NOS1: variants seen among roughly 807,000 people sequenced by gnomAD.
The protein encoded by NOS1 is NOS type I.
Under a neutral mutation model 164.5 loss-of-function variants are expected in NOS1, and 51 were observed. The observed-to-expected ratio is 0.31, with a 90% confidence interval of 0.25 to 0.39. The LOEUF (loss-of-function observed/expected upper bound fraction) is 0.39, where lower values mean the gene tolerates loss of function less well. NOS1 is among the 10% of genes least tolerant of loss of function. The pLI, the probability that NOS1 is intolerant of heterozygous loss-of-function variation, is 1.00. For synonymous variants in NOS1, 719 were observed against 745.8 expected (o/e 0.96, Z 0.59); for missense variants, 1,362 against 1,885.6 (o/e 0.72, Z 5.14).
In NOS1 at chr12:117,213,652, GAAC is replaced by G. The variant is rs1047106529; in HGVS notation, c.*1654_*1656del. 1 of 985,414 alleles carries G rather than the reference GAAC, an allele frequency of 1.0e-6. No homozygotes were observed. 61.0% of individuals were successfully genotyped at this position (985,414 alleles called of 1,614,324 possible). Reference sequence around the variant, plus strand: ...TTCCTCTTTAGCAGACACCCAAACTGAACAACAAGATATGCCCACGTACAGTAT... The same window carrying G: ...TTCCTCTTTAGCAGACACCCAAACTGAACAAGATATGCCCACGTACAGTAT... On this transcript the variant is annotated 3_prime_UTR_variant, in exon 29 of 29. Transcript: ENST00000317775.
At position 117,210,952 on chromosome 12, in the gene NOS1, T is replaced by C. The variant is rs564675083; in HGVS notation, c.*4357A>G. 1.7e-5 allele frequency: 16 copies of C among 959,836 alleles called. No individual in the cohort carries two copies. The East Asian group carries it at 1.5e-3, about 90-fold the overall frequency. The allele number at this position is 959,836 out of a possible 1,614,324, so 59.5% of individuals were successfully genotyped here. On this transcript the variant is annotated 3_prime_UTR_variant, in exon 29 of 29. Coordinates refer to ENST00000317775, the MANE Select transcript of NOS1 (RefSeq NM_000620.5). Reference sequence around the variant, plus strand: ...CTAGGGGCAAGATGTTTTATTTTATTTTATTTTATTTTATTTTTTTTGAGA... The same window carrying C: ...CTAGGGGCAAGATGTTTTATTTTATCTTATTTTATTTTATTTTTTTTGAGA...
At chr12:117,215,900 G>A (rs1490757764) in intron 28 of NOS1, among the ~76,000 whole-genome samples, 1 of 119,394 alleles carries the variant, frequency 8.4e-6, no homozygotes, top group African/African-American at 3.3e-5. Flanking sequence ...TTTTGAGACT[G>A]AGAGTCTCAC....
chr12:117,237,488 G>A (rs1361811169), intron 20 of NOS1, among the ~76,000 whole-genome samples: 1 of 151,962 alleles, frequency 6.6e-6, no homozygotes, highest in Non-Finnish European at 1.5e-5. Flanking sequence ...GAAGTACAGG[G>A]AGAAGGGGAA....
chr12:117,357,750 G>A (rs1876921341), intron 1 of NOS1, among the ~76,000 whole-genome samples: 1 of 152,194 alleles, frequency 6.6e-6, no homozygotes, highest in African/African-American at 2.4e-5. Context: ...GGGACTTGCT[G>A]TATTCTGACA....
intron 2 of NOS1, among the ~76,000 whole-genome samples, chr12:117,320,844 T>C (rs1176828950): frequency 6.6e-6 from 1 of 152,154 alleles, no homozygotes; most frequent in Non-Finnish European, 1.5e-5. Flanking sequence ...TCCCTAGATG[T>C]CACATGGTTG....
intron 1 of NOS1, among the ~76,000 whole-genome samples, chr12:117,339,155 C>A (rs993111931): frequency 1.3e-5 from 2 of 152,180 alleles, no homozygotes; most frequent in East Asian, 3.9e-4. Flanking sequence ...TGGCGGCAAA[C>A]CCACAAGTCC....
intron 3 of NOS1, among the ~76,000 whole-genome samples, chr12:117,300,150 C>T (rs776971439): frequency 3.3e-5 from 5 of 152,152 alleles, no homozygotes; most frequent in Admixed American, 6.6e-5. Flanking sequence ...GTAAGAGCCT[C>T]TGTTTGGTGG....
At chr12:117,350,743 T>C (rs1876575569) in intron 1 of NOS1, among the ~76,000 whole-genome samples, 1 of 152,206 alleles carries the variant, frequency 6.6e-6, no homozygotes, top group Non-Finnish European at 1.5e-5. Context: ...CCATCTGTGC[T>C]AGTTGTCATC....
At chr12:117,216,270 C>T (rs950824440) in intron 28 of NOS1, among the ~76,000 whole-genome samples, 2 of 150,962 alleles carry the variant, frequency 1.3e-5, no homozygotes, top group African/African-American at 4.9e-5. Flanking sequence ...GCAAGCTCCA[C>T]CTCCCAGGTT....
chr12:117,277,487 C>T (rs761214643), intron 9 of NOS1, among the ~76,000 whole-genome samples: 3 of 151,246 alleles, frequency 2.0e-5, no homozygotes, highest in Non-Finnish European at 4.4e-5. Flanking sequence ...CAGCTACTTG[C>T]AGGGGTTGAG....
Position 117,268,125 on chromosome 12 carries a change from T to C in NOS1, c.1859A>G (p.Asn620Ser). ...GGAGGACGTCTTCCTCATGTCTAAG[T>C]TCATCTTCTTGGCCACTTCCTGAAA... ...NILEEVAKKM[N>S]LDMRKTSSLW... Residue 620 changes from asparagine to serine, a missense_variant, in exon 11 of 29, where the codon AAC becomes AGC. Coordinates refer to ENST00000317775, the MANE Select transcript of NOS1 (RefSeq NM_000620.5). 1 of 1,613,802 alleles carries C rather than the reference T, an allele frequency of 6.2e-7. No homozygotes were observed. The highest frequency in any genetic ancestry group is 1.1e-5 in the South Asian group (1 of 91,072).
At chr12:117,290,569 C>T in intron 3 of NOS1, 143 bp from the exon 4 acceptor site, 2 of 1,038,042 alleles carry the variant, frequency 1.9e-6, no homozygotes, top group Admixed American at 3.0e-5. Flanking sequence ...AAGATCCAGC[C>T]CTTCCTGCTT....
rs1956575426 is a variant in NOS1, at chr12:117,214,670, C to T, written c.*639G>A. 1 of 985,222 alleles carries T rather than the reference C, an allele frequency of 1.0e-6. No homozygotes were observed. Among genetic ancestry groups the T allele is most frequent in the Non-Finnish European group, 1.2e-6 (1 of 829,946 alleles). 61.0% of individuals were successfully genotyped at this position (985,222 alleles called of 1,614,324 possible). A position where few individuals can be genotyped will look rare whatever the true frequency, so the allele number is the denominator to read the frequency against. ...CTAACTAGAACAATTATGGGGCTTC[C>T]AAATGTTTCAGGTACATGGGCGTGG... On this transcript the variant is annotated 3_prime_UTR_variant, in exon 29 of 29. Transcript: ENST00000317775.
At position 117,357,103 on chromosome 12, in the gene NOS1, GC is replaced by G. The variant is rs149812453; in HGVS notation, c.-421+4408del. 9.0e-3 allele frequency among the ~76,000 whole-genome samples: 1,365 copies of G among 152,296 alleles called. 19 individuals are homozygous for G. Among genetic ancestry groups the G allele is most frequent in the African/African-American group, 0.031 (1,289 of 41,564 alleles). The stretch of plus-strand genomic sequence containing the variant: ...TTAAGGAGGCCAAGGCAGGCAGATG[GC>G]TTGAGCCCAGGAGTTTGAGTCTGGC... On this transcript the variant is annotated intron_variant, in intron 1 of 28. Transcript: ENST00000317775.
In NOS1 at chr12:117,220,101, C is replaced by G; in HGVS notation, c.4144G>C (p.Ala1382Pro). Residue 1382 changes from alanine to proline, a missense_variant, in exon 27 of 29, where the codon GCC (alanine) becomes CCC (proline). Physicochemically the swap from Ala to Pro is conservative, Grantham distance 27 (BLOSUM62 -1). Transcript: ENST00000317775. ...TQQGKLSAED[A>P]GVFISRMRDD... ...CTCATCCGGCTGATGAATACGCCGG[C>G]GTCCTCTGCCGAGAGCTTCCCCTGC... The G allele has an allele frequency of 1.2e-6, 2 of 1,611,698 alleles. No individual in the cohort carries two copies. The highest frequency in any genetic ancestry group is 2.2e-5 in the South Asian group (2 of 90,628).
chr12:117,282,370 G>T (rs545609695), intron 7 of NOS1, among the ~76,000 whole-genome samples: 11 of 152,262 alleles, frequency 7.2e-5, no homozygotes, highest in Admixed American at 7.2e-4. Flanking sequence ...ATGGCATCTC[G>T]GGTCCAACTC....
intron 2 of NOS1, among the ~76,000 whole-genome samples, chr12:117,319,560 G>C (rs926314912): frequency 6.6e-6 from 1 of 152,202 alleles, no homozygotes; most frequent in Non-Finnish European, 1.5e-5. Context: ...GAGAGACCCC[G>C]CAGTGGCCCC....
intron 2 of NOS1, among the ~76,000 whole-genome samples, chr12:117,323,663 C>T (rs1362028002): frequency 6.6e-6 from 1 of 152,202 alleles, no homozygotes; most frequent in African/African-American, 2.4e-5. Context: ...AAAACGTAGG[C>T]TTGCCACAGA....
At position 117,258,471 on chromosome 12, in the gene NOS1, T is replaced by C. The variant is rs751680016; in HGVS notation, c.2473-16A>G. On this transcript the variant is annotated splice_polypyrimidine_tract_variant and intron_variant, in intron 15 of 28. Transcript: ENST00000317775. The stretch of plus-strand genomic sequence containing the variant: ...AGCCGAATTTCTGGAAGCCAAAACA[T>C]ATGGGTGAAATTAGCACATCTTAGT... 5.6e-6 allele frequency: 9 copies of C among 1,613,560 alleles called. No homozygotes were observed. In the African/African-American group the frequency reaches 6.7e-5, roughly 12 times the overall value.
Sources: allele counts gnomAD v4.1 joint callset (sites outside exome capture counted in the v4.1 genomes callset), GRCh38; gene constraint gnomAD v4.1.1; transcripts MANE v1.5; gene names NCBI Gene and HGNC (gene_info 2026-07-23, HGNC 2026-07-21).